Variants in FNDC3B observed in about 807,000 individuals in gnomAD.
FNDC3B encodes fibronectin type III domain containing 3B.
FNDC3B carries 12 observed loss-of-function variants against 151.5 expected under a neutral mutation model. That is an observed-to-expected ratio of 0.08 (90% CI 0.05 to 0.13). The LOEUF (loss-of-function observed/expected upper bound fraction) is 0.13, where lower values mean the gene tolerates loss of function less well. Among genes scored for constraint, FNDC3B ranks in the 10% least tolerant of loss-of-function variants. FNDC3B has a pLI of 1.00. For missense variants in FNDC3B, 1,214 were observed against 1,505.3 expected, an observed-to-expected ratio of 0.81 and a Z score of 3.20; for synonymous variants, 528 against 549.0, an observed-to-expected ratio of 0.96 and a Z score of 0.54.
chr3:172,397,360 C>A lies in FNDC3B; in HGVS notation c.3500C>A (p.Pro1167His), dbSNP rs754031337. 1 of 1,614,104 alleles carries A rather than the reference C, an allele frequency of 6.2e-7. No individual in the cohort carries two copies. The highest frequency in any genetic ancestry group is 1.7e-5 in the Admixed American group (1 of 60,016). The change falls in exon 26 of 26, where the codon CCC (proline) becomes CAC (histidine). Residue 1167 changes from proline to histidine, a missense_variant. This residue lies in a region of FNDC3B where 284 missense variants were observed against 392.4 expected (regional missense o/e 0.72). Coordinates refer to ENST00000415807, the MANE Select transcript of FNDC3B (RefSeq NM_022763.4). Reference sequence around the variant, plus strand: ...GGGGACATGGGGAGCTTAGATGATCCCAAAATGAAGAGCATGATGCCTACT... The same window carrying A: ...GGGGACATGGGGAGCTTAGATGATCACAAAATGAAGAGCATGATGCCTACT... ...LTGDMGSLDD[P>H]KMKSMMPTDE...
At chr3:172,082,032 T>TA (rs1215320857) in intron 1 of FNDC3B, among the ~76,000 whole-genome samples, 4 of 152,170 alleles carry the variant, frequency 2.6e-5, no homozygotes, top group African/African-American at 9.7e-5. Flanking sequence ...AATACTTAAT[T>TA]ATGGATTAGG....
At chr3:172,063,891 C>A (rs775940784) in intron 1 of FNDC3B, among the ~76,000 whole-genome samples, 4 of 152,088 alleles carry the variant, frequency 2.6e-5, no homozygotes, top group Admixed American at 6.6e-5. Context: ...TGAAATCTAA[C>A]CCCCAAGTTG....
At chr3:172,210,424 T>C (rs951992688) in intron 3 of FNDC3B, among the ~76,000 whole-genome samples, 10 of 152,188 alleles carry the variant, frequency 6.6e-5, no homozygotes, top group African/African-American at 2.4e-4. Flanking sequence ...ATCATAGTCC[T>C]GGGCCCACAC....
chr3:172,147,189 C>T (rs1036076259), intron 3 of FNDC3B, among the ~76,000 whole-genome samples: 3 of 151,858 alleles, frequency 2.0e-5, no homozygotes, highest in Non-Finnish European at 4.4e-5. Context: ...GCCTGTAATC[C>T]CAGCTACTCG....
intron 12 of FNDC3B, chr3:172,329,931 A>G (rs1441840687): frequency 6.6e-6 from 1 of 152,252 alleles, no homozygotes; most frequent in Non-Finnish European, 1.5e-5. Context: ...TATATATTGT[A>G]AAACATTATT....
chr3:172,334,332 C>G lies in FNDC3B; in HGVS notation c.1642-612C>G, dbSNP rs974812509. 2.9e-5 allele frequency among the ~76,000 whole-genome samples: 4 copies of G among 139,162 alleles called. No homozygotes were observed. The East Asian group carries it at 9.1e-4, about 32-fold the overall frequency. The allele number at this position is 139,162 out of a possible 152,430, so 91.3% of individuals were successfully genotyped here. On this transcript the variant is annotated intron_variant, in intron 14 of 25. Transcript: ENST00000415807. ...CTATTTTTATGTCCCCCCCCCCACC[C>G]CCATATTTTCCTTTCACAAAACAAT...
intron 3 of FNDC3B, among the ~76,000 whole-genome samples, chr3:172,200,617 G>T (rs1725097583): frequency 6.6e-6 from 1 of 152,172 alleles, no homozygotes; most frequent in South Asian, 2.1e-4. Context: ...GTGTGTTTAA[G>T]CCAGGCTAGG....
Position 172,251,561 on chromosome 3 carries a change from C to A in FNDC3B, c.790+20C>A. 6.3e-7 allele frequency: 1 copy of A among 1,581,838 alleles called. No homozygotes were observed. The highest frequency in any genetic ancestry group is 8.6e-7 in the Non-Finnish European group (1 of 1,161,910). On this transcript the variant is annotated intron_variant, in intron 6 of 25. Coordinates refer to ENST00000415807, the MANE Select transcript of FNDC3B (RefSeq NM_022763.4). ...TGCAAGGTAATACTCAAGATGTTTGCCATAGAGTGAATTATCAAGACAGAG... is the reference window on the plus strand; with the variant it reads ...TGCAAGGTAATACTCAAGATGTTTGACATAGAGTGAATTATCAAGACAGAG...
At chr3:172,125,813 G>A (rs1720783218) in intron 2 of FNDC3B, among the ~76,000 whole-genome samples, 1 of 152,196 alleles carries the variant, frequency 6.6e-6, no homozygotes, top group Admixed American at 6.5e-5. Context: ...ACAGAATTAA[G>A]TGTCACGCAG....
rs532256200 is a variant in FNDC3B at position 172,187,999 on chromosome 3, T to TG, written c.188-38872_188-38871insG. On this transcript the variant is annotated intron_variant, in intron 3 of 25. Transcript: ENST00000415807. Reference sequence around the variant, plus strand: ...ATTCCATTTTTATATTTAAGCAGTTTTTTTTTTTTTTTTGAGACGGAGTTC... The same window carrying TG: ...ATTCCATTTTTATATTTAAGCAGTTTGTTTTTTTTTTTTTGAGACGGAGTTC... Among the ~76,000 whole-genome samples the TG allele has an allele frequency of 1.5e-3, 234 of 151,342 alleles. 3 individuals carry two copies. The highest frequency in any genetic ancestry group is 0.01 in the South Asian group (50 of 4,788).
chr3:172,333,730 C>G (rs1031658138), intron 14 of FNDC3B, among the ~76,000 whole-genome samples: 4 of 152,030 alleles, frequency 2.6e-5, no homozygotes, highest in South Asian at 2.1e-4. Flanking sequence ...GGCCAAATGC[C>G]CTTGCCTGGG....
intron 1 of FNDC3B, among the ~76,000 whole-genome samples, chr3:172,078,177 GC>G (rs1718111989): frequency 6.6e-6 from 1 of 151,686 alleles, no homozygotes; most frequent in African/African-American, 2.4e-5. Context: ...GATGGGTTTT[GC>G]CATGTTGGCC....
At chr3:172,283,633 C>T (rs1729855043) in intron 6 of FNDC3B, among the ~76,000 whole-genome samples, 1 of 152,168 alleles carries the variant, frequency 6.6e-6, no homozygotes, top group South Asian at 2.1e-4. Context: ...TGTTTGAAAC[C>T]ATAGGGTCCT....
At chr3:172,196,463 G>A (rs780848188) in intron 3 of FNDC3B, among the ~76,000 whole-genome samples, 1 of 152,108 alleles carries the variant, frequency 6.6e-6, no homozygotes, top group Non-Finnish European at 1.5e-5. Context: ...TGGGATTAGA[G>A]TCTCCCAGCC....
chr3:172,394,243 G>GC (rs1487900301), intron 25 of FNDC3B, among the ~76,000 whole-genome samples: 1 of 151,620 alleles, frequency 6.6e-6, no homozygotes, highest in Non-Finnish European at 1.5e-5. Flanking sequence ...GAACTGGGGG[G>GC]AGGGAGAAAC....
At chr3:172,316,815 GT>G (rs1156534611) in intron 11 of FNDC3B, among the ~76,000 whole-genome samples, 1 of 152,188 alleles carries the variant, frequency 6.6e-6, no homozygotes, top group Non-Finnish European at 1.5e-5. Flanking sequence ...CTTTGTCTCT[GT>G]CTTCATCCAT....
intron 2 of FNDC3B, among the ~76,000 whole-genome samples, chr3:172,113,871 C>T (rs1720111165): frequency 6.6e-6 from 1 of 152,202 alleles, no homozygotes; most frequent in Admixed American, 6.5e-5. Flanking sequence ...TCTTCCTCTT[C>T]AGTCTTTAGC....
intron 18 of FNDC3B, among the ~76,000 whole-genome samples, chr3:172,343,790 C>G (rs1055237749): frequency 6.6e-6 from 1 of 152,140 alleles, no homozygotes; most frequent in South Asian, 2.1e-4. Flanking sequence ...TCTTTTTCTT[C>G]CATTTACCTA....
At chr3:172,226,741 A>C in intron 3 of FNDC3B, 130 bp from the exon 4 acceptor site, 32 of 600,918 alleles carry the variant, frequency 5.3e-5, no homozygotes, top group Non-Finnish European at 6.4e-5. Context: ...AAGGCAATAT[A>C]TACCAACTTT....
Sources: allele counts gnomAD v4.1 joint callset (sites outside exome capture counted in the v4.1 genomes callset), GRCh38; gene constraint gnomAD v4.1.1; regional missense constraint gnomAD v4.1.1; transcripts MANE v1.5; gene names NCBI Gene and HGNC (gene_info 2026-07-23, HGNC 2026-07-21).